Variants in LRRC24 observed in about 807,000 individuals in gnomAD.
LRRC24 encodes the protein leucine-rich repeat-containing protein 24.
A neutral mutation model predicts 15.3 loss-of-function variants in LRRC24; 19 were observed. The ratio of observed to expected loss-of-function variants is 1.25; its 90% CI spans 0.87 to 1.83. The LOEUF (loss-of-function observed/expected upper bound fraction) is 1.83. LRRC24 is among the 40% of genes most tolerant of loss of function. The pLI is 0.00. For synonymous variants in LRRC24, 469 were observed against 359.6 expected (o/e 1.30, Z -3.44); for missense variants, 914 against 723.9 (o/e 1.26, Z -3.01).
At position 144,524,503 on chromosome 8, in the gene LRRC24, C is replaced by A. The variant is rs776594949; in HGVS notation, c.376G>T (p.Val126Leu). ...GAFVGLAQLRVLYLAGNQLAR... is the reference protein window; with the variant it reads ...GAFVGLAQLRLLYLAGNQLAR... The stretch of plus-strand genomic sequence containing the variant: ...AGCTGGTTGCCCGCCAGGTAGAGCA[C>A]GCGCAGCTGGGCCAGGCCTACGAAG... The change falls in exon 3 of 5, where the codon GTG becomes TTG. Residue 126 changes from valine (V) to leucine (L), a missense_variant. Val to Leu is a conservative substitution (Grantham distance 32). Transcript: ENST00000529415. 4.4e-6 allele frequency: 7 copies of A among 1,596,702 alleles called. No individual in the cohort carries two copies. The African/African-American group carries it at 6.7e-5, about 15-fold the overall frequency.
chr8:144,523,550 C>A, intron 4 of LRRC24, 141 bp from the exon 5 acceptor site: 1 of 1,315,438 alleles, frequency 7.6e-7, no homozygotes, highest in Non-Finnish European at 9.8e-7. Context: ...CCTGCCACCC[C>A]TTCCTTGACC....
In LRRC24 at chr8:144,522,724, CCT is replaced by C. The variant is rs1564823556; in HGVS notation, c.1291_1292del (p.Arg431AlafsTer59). 3.1e-6 allele frequency: 5 copies of C among 1,593,864 alleles called. No homozygotes were observed. Among genetic ancestry groups the C allele is most frequent in the Non-Finnish European group, 4.3e-6 (5 of 1,171,496 alleles). ...CCGGAGGCCCCCGCGCCTTTTTTCG[CCT>C]GCGGCGCCGGCGACAGATCATGGCG... ...LVAMICRRRR[R>X]RKKARGPPGE... On this transcript the variant is annotated frameshift_variant, in exon 5 of 5. Coordinates refer to ENST00000529415, the MANE Select transcript of LRRC24 (RefSeq NM_001024678.4). LOFTEE classifies it low-confidence loss of function (END_TRUNC).
chr8:144,523,385 G>A lies in LRRC24; in HGVS notation c.632C>T (p.Ala211Val). Residue 211 changes from alanine to valine, a missense_variant, in exon 5 of 5, where the codon GCC becomes GTC. Ala to Val is a moderately conservative substitution (Grantham distance 64). Transcript: ENST00000529415. The stretch of plus-strand genomic sequence containing the variant: ...GATCCAGGCACCCAGCCAGTGCAGG[G>A]CGCAGTCACAGCGCCATGGGTTCTC... ...LTENPWRCDCALHWLGAWIKE... is the reference protein window; with the variant it reads ...LTENPWRCDCVLHWLGAWIKE... 2 of 1,548,580 alleles carry A rather than the reference G, an allele frequency of 1.3e-6. No individual in the cohort carries two copies. The highest frequency in any genetic ancestry group is 1.7e-6 in the Non-Finnish European group (2 of 1,146,580).
At chr8:144,524,789 C>A in intron 2 of LRRC24, 27 bp downstream of exon 2, 1 of 1,437,636 alleles carries the variant, frequency 7.0e-7, no homozygotes, top group South Asian at 1.4e-5. Context: ...GGCACCCCGT[C>A]CTCCCGCAGC....
chr8:144,524,031 AGAGCCCCTCCACACAT>A (rs1816242999), intron 4 of LRRC24, 63 bp downstream of exon 4: 2 of 1,501,418 alleles, frequency 1.3e-6, no homozygotes, highest in Non-Finnish European at 1.8e-6. Context: ...GCCTGATGTC[AGAGCCCCTCCACACAT>A]GAGCCTGCTC....
chr8:144,525,230 C>T, intron 1 of LRRC24, 197 bp from the exon 2 acceptor site: 1 of 362,654 alleles, frequency 2.8e-6, no homozygotes. Flanking sequence ...TTCCTGGTGT[C>T]CTCAGTGTCT....
At chr8:144,526,502 A>G (rs1816365508) in intron 1 of LRRC24, 1 of 152,260 alleles carries the variant, frequency 6.6e-6, no homozygotes, top group South Asian at 2.1e-4. Flanking sequence ...AAGGCCTGCC[A>G]GGGCAGGGAT....
Position 144,524,273 on chromosome 8 carries a change from C to G in LRRC24, c.444G>C (p.Leu148=), listed in dbSNP as rs1365596125. The change falls in exon 4 of 5, where the codon CTG becomes CTC. Residue 148 remains leucine, a synonymous_variant. Coordinates refer to ENST00000529415, the MANE Select transcript of LRRC24 (RefSeq NM_001024678.4). Reference sequence around the variant, plus strand: ...TGTTTTCTTGCAGGTGAAGCTCCTGCAGTCGCTGAAGTAAGGACAGCAGAT... The same window carrying G: ...TGTTTTCTTGCAGGTGAAGCTCCTGGAGTCGCTGAAGTAAGGACAGCAGAT... ...LDFTFLHLPR[L]QELHLQENSI... is the part of the protein sequence containing the mutation. The G allele has an allele frequency of 1.2e-5, 20 of 1,611,824 alleles. No homozygotes were observed. The highest frequency in any genetic ancestry group is 1.6e-5 in the Non-Finnish European group (19 of 1,179,926).
chr8:144,524,149 G>C lies in LRRC24; in HGVS notation c.568C>G (p.Leu190Val), dbSNP rs377024973. The C allele has an allele frequency of 4.4e-6, 7 of 1,608,602 alleles. No homozygotes were observed. The African/African-American group carries it at 9.4e-5, about 21-fold the overall frequency. Reference protein sequence around the residue: ...NQLGTISREALQPLASLQVLR... With the variant: ...NQLGTISREAVQPLASLQVLR... ...ACTTGCAGACTGGCCAGGGGCTGCA[G>C]GGCCTCTCGGCTGATGGTGCCCAGC... The change falls in exon 4 of 5, where the codon CTG becomes GTG. Residue 190 changes from leucine (L) to valine (V), a missense_variant. Coordinates refer to ENST00000529415, the MANE Select transcript of LRRC24 (RefSeq NM_001024678.4).
intron 1 of LRRC24, chr8:144,526,179 A>G (rs891691425): frequency 1.3e-5 from 2 of 152,230 alleles, no homozygotes; most frequent in African/African-American, 2.4e-5. Flanking sequence ...CTTGCCCTAA[A>G]TTGTAACTCA....
Position 144,523,092 on chromosome 8 carries a change from G to A in LRRC24, c.925C>T (p.Gln309Ter). ...AGGCCCAGCAACCCGCCTTCTAGCT[G>A]GGCCTGGGCTCGCGGCCGGCCCTCG... ...PREGRPRAQA[Q>*]LEGGLLGLGG... The change falls in exon 5 of 5, where the codon CAG (glutamine) becomes TAG (stop). Residue 309 changes from glutamine (Q) to a stop codon, truncating the protein, a stop_gained. Coordinates refer to ENST00000529415, the MANE Select transcript of LRRC24 (RefSeq NM_001024678.4). LOFTEE classifies it low-confidence loss of function (END_TRUNC). 7 of 1,608,886 alleles carry A rather than the reference G, an allele frequency of 4.4e-6. No individual in the cohort carries two copies. Among genetic ancestry groups the A allele is most frequent in the Non-Finnish European group, 5.9e-6 (7 of 1,179,360 alleles).
At chr8:144,524,744 G>A (rs1198662387) in intron 2 of LRRC24, 25 bp from the exon 3 acceptor site, 1 of 1,440,380 alleles carries the variant, frequency 6.9e-7, no homozygotes, top group Non-Finnish European at 9.1e-7. Flanking sequence ...AAGAGGAGGC[G>A]CTTACCCCGT....
rs541016071 is a variant in LRRC24 at position 144,523,019 on chromosome 8, C to T, written c.998G>A (p.Ser333Asn). 74 of 1,598,442 alleles carry T rather than the reference C, an allele frequency of 4.6e-5. No individual in the cohort carries two copies. The highest frequency in any genetic ancestry group is 1.9e-4 in the Admixed American group (11 of 58,814). The change falls in exon 5 of 5, where the codon AGC becomes AAC. Residue 333 changes from serine to asparagine, a missense_variant. Coordinates refer to ENST00000529415, the MANE Select transcript of LRRC24 (RefSeq NM_001024678.4). The stretch of plus-strand genomic sequence containing the variant: ...ACCGGCGTGCGCCAGCGTGATGTTG[C>T]TGAGGAAGAGCATGCCGCTGCCCGT... ...SDTGSGMLFL[S>N]NITLAHAGKY... is the part of the protein sequence containing the mutation.
rs1420420518 is a variant in LRRC24, at chr8:144,522,632, A to T, written c.1385T>A (p.Leu462His). Residue 462 changes from leucine (L) to histidine (H), a missense_variant, in exon 5 of 5, where the codon CTC becomes CAC. Transcript: ENST00000529415. Reference protein sequence around the residue: ...GPCTFAQLEELRDERGHEMFV... With the variant: ...GPCTFAQLEEHRDERGHEMFV... ...CATCTCGTGGCCGCGCTCGTCGCGGAGCTCCTCTAGCTGTGCGAACGTACA... is the reference window on the plus strand; with the variant it reads ...CATCTCGTGGCCGCGCTCGTCGCGGTGCTCCTCTAGCTGTGCGAACGTACA... 6.3e-7 allele frequency: 1 copy of T among 1,577,564 alleles called. No homozygotes were observed. The highest frequency in any genetic ancestry group is 1.8e-5 in the Admixed American group (1 of 56,216).
chr8:144,525,153 G>T (rs966702535), intron 1 of LRRC24, 120 bp from the exon 2 acceptor site: 17 of 598,704 alleles, frequency 2.8e-5, no homozygotes, highest in Non-Finnish European at 2.5e-5. Flanking sequence ...CTAATAAAAC[G>T]TTCTGGTTTT....
In LRRC24 at chr8:144,525,014, A is replaced by T. The variant is rs542846631; in HGVS notation, c.-40T>A. 1.5e-5 allele frequency: 21 copies of T among 1,403,930 alleles called. No homozygotes were observed. The highest frequency in any genetic ancestry group is 1.8e-5 in the Non-Finnish European group (20 of 1,082,290). The allele number at this position is 1,403,930 out of a possible 1,614,324, so 87.0% of individuals were successfully genotyped here. Reference sequence around the variant, plus strand: ...TTCCTCACCGGCCCTTCCGCGGTTCAGCCGCAGACGCGTGCCCTCCTGAAA... The same window carrying T: ...TTCCTCACCGGCCCTTCCGCGGTTCTGCCGCAGACGCGTGCCCTCCTGAAA... On this transcript the variant is annotated 5_prime_UTR_variant, in exon 2 of 5. Coordinates refer to ENST00000529415, the MANE Select transcript of LRRC24 (RefSeq NM_001024678.4).
Position 144,523,919 on chromosome 8 carries a change from C to T in LRRC24, c.607+191G>A, listed in dbSNP as rs1050075203. On this transcript the variant is annotated intron_variant, in intron 4 of 4. Transcript: ENST00000529415. ...TGTGGAGTTCCTGTCTTCTGTTTTC[C>T]CCAGGCAGGGTGCCTGAGCTGTATT... The T allele has an allele frequency of 4.5e-6, 3 of 665,940 alleles. No individual in the cohort carries two copies. In the African/African-American group the frequency reaches 5.4e-5, roughly 12 times the overall value. The allele number at this position is 665,940 out of a possible 1,614,324, so 41.3% of individuals were successfully genotyped here.
chr8:144,525,961 T>G (rs1202436112), intron 1 of LRRC24: 2 of 152,184 alleles, frequency 1.3e-5, no homozygotes, highest in East Asian at 3.9e-4. Flanking sequence ...GGCTGGGGTC[T>G]GGTTTCAGGA....
chr8:144,524,034 G>A, intron 4 of LRRC24, 76 bp downstream of exon 4: 1 of 1,508,480 alleles, frequency 6.6e-7, no homozygotes, highest in Non-Finnish European at 9.0e-7. Flanking sequence ...TGATGTCAGA[G>A]CCCCTCCACA....
Sources: allele counts gnomAD v4.1 joint callset, GRCh38; gene constraint gnomAD v4.1.1; transcripts MANE v1.5; gene names NCBI Gene and HGNC (gene_info 2026-07-23, HGNC 2026-07-21).